The following MARCHF3 variants were observed in gnomAD, a reference collection of about 807,000 sequenced individuals.
MARCHF3 encodes the protein membrane associated ring-CH-type finger 3.
Under a neutral mutation model 24.2 loss-of-function variants are expected in MARCHF3, and 13 were observed. The ratio of observed to expected loss-of-function variants is 0.54; its 90% CI spans 0.35 to 0.85. The LOEUF (loss-of-function observed/expected upper bound fraction) is 0.85. MARCHF3 is among the 40% of genes least tolerant of loss of function. MARCHF3 has a pLI of 0.01. For missense variants in MARCHF3, 276 were observed against 325.0 expected (o/e 0.85, Z 1.16); for synonymous variants, 144 against 137.3 (o/e 1.05, Z -0.34).
In MARCHF3 at chr5:126,903,475, C is replaced by T. The variant is rs1754174206; in HGVS notation, c.393+11455G>A. 2.0e-5 allele frequency among the ~76,000 whole-genome samples: 3 copies of T among 152,022 alleles called. No individual in the cohort carries two copies. The South Asian group carries it at 6.2e-4, about 31-fold the overall frequency. Reference sequence around the variant, plus strand: ...ATATAAAGAATGGAGTGGTGGTCCTCATGCCTATAAATCTTCTTGAATCAC... The same window carrying T: ...ATATAAAGAATGGAGTGGTGGTCCTTATGCCTATAAATCTTCTTGAATCAC... On this transcript the variant is annotated intron_variant, in intron 3 of 4. Coordinates refer to ENST00000308660, the MANE Select transcript of MARCHF3 (RefSeq NM_178450.5).
intron 1 of MARCHF3, among the ~76,000 whole-genome samples, chr5:126,966,905 C>CTTGTTTTTTTTTTTT: frequency 2.2e-4 from 1 of 4,498 alleles, no homozygotes; most frequent in Non-Finnish European, 4.3e-4. Flanking sequence ...CTGTGAGAGC[C>CTTGTTTTTTTTTTTT]TTTTTTTTTT....
intron 1 of MARCHF3, among the ~76,000 whole-genome samples, chr5:126,946,750 G>C (rs554052387): frequency 1.6e-3 from 242 of 150,296 alleles, no homozygotes; most frequent in African/African-American, 5.7e-3. Flanking sequence ...AGAGGGACTC[G>C]TGTAAGTAGG....
intron 4 of MARCHF3, among the ~76,000 whole-genome samples, chr5:126,874,845 C>G (rs1753094734): frequency 6.6e-6 from 1 of 151,710 alleles, no homozygotes; most frequent in Non-Finnish European, 1.5e-5. Context: ...GGGGATGTGT[C>G]TAAAGCAGCC....
At chr5:126,962,369 T>C (rs923304304) in intron 1 of MARCHF3, among the ~76,000 whole-genome samples, 5 of 152,124 alleles carry the variant, frequency 3.3e-5, no homozygotes, top group Non-Finnish European at 5.9e-5. Flanking sequence ...TAATGTGCTA[T>C]GGTCATTCCC....
At chr5:126,886,124 G>A (rs571794732) in intron 3 of MARCHF3, among the ~76,000 whole-genome samples, 1 of 151,968 alleles carries the variant, frequency 6.6e-6, no homozygotes, top group South Asian at 2.1e-4. Flanking sequence ...GAGTGCCTAC[G>A]ATCTACCAGA....
Position 126,878,105 on chromosome 5 carries a change from C to T in MARCHF3, c.603+80G>A, listed in dbSNP as rs1753226150. On this transcript the variant is annotated intron_variant, in intron 4 of 4. Coordinates refer to ENST00000308660, the MANE Select transcript of MARCHF3 (RefSeq NM_178450.5). ...TCTACCGGGCAGGTGAGATGTGTTACAGACAAGAGGAAAGGCTTGTGCCAG... is the reference window on the plus strand; with the variant it reads ...TCTACCGGGCAGGTGAGATGTGTTATAGACAAGAGGAAAGGCTTGTGCCAG... The T allele has an allele frequency of 2.7e-5, 38 of 1,409,602 alleles. No individual in the cohort carries two copies. The South Asian group carries it at 4.4e-4, about 16-fold the overall frequency. 87.3% of individuals were successfully genotyped at this position (1,409,602 alleles called of 1,614,324 possible).
At chr5:127,004,165 T>C (rs150477362) in intron 1 of MARCHF3, among the ~76,000 whole-genome samples, 99 of 152,306 alleles carry the variant, frequency 6.5e-4, no homozygotes, top group African/African-American at 2.2e-3. Flanking sequence ...TATTTCCTAA[T>C]AGAAACCAAA....
intron 1 of MARCHF3, among the ~76,000 whole-genome samples, chr5:126,990,024 T>A (rs1017955209): frequency 6.6e-6 from 1 of 151,706 alleles, no homozygotes; most frequent in African/African-American, 2.4e-5. Flanking sequence ...AAGACTTTCT[T>A]CACAGAATTA....
At chr5:126,870,866 T>C in intron 4 of MARCHF3, 75 bp from the exon 5 acceptor site, 1 of 1,568,246 alleles carries the variant, frequency 6.4e-7, no homozygotes, top group Non-Finnish European at 8.7e-7. Context: ...AAGAAACAAA[T>C]ATGTCATTTG....
intron 1 of MARCHF3, among the ~76,000 whole-genome samples, chr5:126,982,712 T>C (rs999066032): frequency 6.6e-6 from 1 of 152,186 alleles, no homozygotes; most frequent in Non-Finnish European, 1.5e-5. Context: ...CTCTCTACTC[T>C]AGATTTTCAC....
intron 1 of MARCHF3, among the ~76,000 whole-genome samples, chr5:127,012,654 A>G (rs2126858213): frequency 6.6e-6 from 1 of 152,352 alleles, no homozygotes; most frequent in Non-Finnish European, 1.5e-5. Context: ...CAAAAACTAA[A>G]AGCTCACTGA....
At chr5:126,871,634 T>C (rs1273577739) in intron 4 of MARCHF3, among the ~76,000 whole-genome samples, 1 of 152,216 alleles carries the variant, frequency 6.6e-6, no homozygotes, top group Non-Finnish European at 1.5e-5. Context: ...TCAAGAGAGT[T>C]TGCTGAGTAA....
intron 1 of MARCHF3, among the ~76,000 whole-genome samples, chr5:126,976,695 C>T (rs750473451): frequency 3.9e-5 from 6 of 152,226 alleles, no homozygotes; most frequent in Non-Finnish European, 5.9e-5. Context: ...GCTGAAATGA[C>T]ACAATTTCCT....
chr5:126,886,340 C>T (rs1225673261), intron 3 of MARCHF3, among the ~76,000 whole-genome samples: 1 of 152,178 alleles, frequency 6.6e-6, no homozygotes, highest in African/African-American at 2.4e-5. Context: ...TTGTTCCCTC[C>T]TGCAACAGAT....
At chr5:126,925,925 A>G (rs954231330) in intron 1 of MARCHF3, among the ~76,000 whole-genome samples, 1 of 152,242 alleles carries the variant, frequency 6.6e-6, no homozygotes, top group Non-Finnish European at 1.5e-5. Context: ...TGAAGGGTAC[A>G]GCATGCTGGT....
chr5:126,872,600 A>T (rs766574120), intron 4 of MARCHF3, among the ~76,000 whole-genome samples: 8 of 152,112 alleles, frequency 5.3e-5, no homozygotes, highest in Non-Finnish European at 1.2e-4. Context: ...GTGGTCAGAA[A>T]GTAGGCTGGC....
At chr5:126,874,371 T>C (rs540320947) in intron 4 of MARCHF3, among the ~76,000 whole-genome samples, 29 of 152,286 alleles carry the variant, frequency 1.9e-4, no homozygotes, top group African/African-American at 6.7e-4. Context: ...GCAGATCACC[T>C]GAGGTTGGGA....
intron 1 of MARCHF3, among the ~76,000 whole-genome samples, chr5:126,922,790 C>T (rs58894799): frequency 0.052 from 7,975 of 152,198 alleles, 350 homozygotes; most frequent in African/African-American, 0.12. Flanking sequence ...TCGTGATCCG[C>T]CCACCTCGGC....
intron 1 of MARCHF3, among the ~76,000 whole-genome samples, chr5:126,947,421 T>C (rs1051301811): frequency 2.6e-5 from 4 of 152,112 alleles, no homozygotes; most frequent in Non-Finnish European, 5.9e-5. Context: ...GGGAGGAGAA[T>C]GAACAAGAGG....
Sources: gnomAD v4.1 joint callset for allele counts (sites outside exome capture counted in the v4.1 genomes callset) on GRCh38, gnomAD v4.1.1 for gene constraint, MANE v1.5 for transcripts, NCBI Gene and HGNC (gene_info 2026-07-23, HGNC 2026-07-21) for gene names.